The following TFAP2B variants were observed in gnomAD, a reference collection of about 807,000 sequenced individuals.
TFAP2B encodes transcription factor AP-2-beta.
TFAP2B carries 9 observed loss-of-function variants against 44.3 expected under a neutral mutation model. The ratio of observed to expected loss-of-function variants is 0.20; its 90% CI spans 0.12 to 0.35. The LOEUF is 0.35. TFAP2B is among the 10% of genes least tolerant of loss of function. The pLI is 1.00. For missense variants in TFAP2B, 509 were observed against 600.0 expected (o/e 0.85, Z 1.59); for synonymous variants, 270 against 263.8 (o/e 1.02, Z -0.23).
At chr6:50,818,798 C>G (rs555045308), upstream of TFAP2B, 7 of 1,104,170 alleles carry the variant, frequency 6.3e-6, no homozygotes, top group Admixed American at 1.8e-5. Flanking sequence ...GGGAGAGGAG[C>G]GTCGGATTTG....
Position 50,843,257 on chromosome 6 carries a change from C to G in TFAP2B, c.1248C>G (p.Ala416=). Residue 416 remains alanine (A), a synonymous_variant, in exon 7 of 7, where the codon GCC becomes GCG. Transcript: ENST00000393655. ...CGGCCATTTGCGCCGCGCTCACGGCCCTGCAGAACTATCTCACCGAGGCGC... is the reference window on the plus strand; with the variant it reads ...CGGCCATTTGCGCCGCGCTCACGGCGCTGCAGAACTATCTCACCGAGGCGC... ...GAPAICAALT[A]LQNYLTEALK... 1.9e-6 allele frequency: 3 copies of G among 1,614,168 alleles called. No individual in the cohort carries two copies. The African/African-American group carries it at 4.0e-5, about 22-fold the overall frequency.
intron 6 of TFAP2B, among the ~76,000 whole-genome samples, chr6:50,840,824 G>C (rs987553163): frequency 6.6e-6 from 1 of 152,208 alleles, no homozygotes; most frequent in Admixed American, 6.5e-5. Context: ...TTTAGGTCTA[G>C]AGCTCATTTG....
intron 4 of TFAP2B, among the ~76,000 whole-genome samples, chr6:50,837,739 T>C (rs1435005455): frequency 6.6e-6 from 1 of 152,000 alleles, no homozygotes; most frequent in Non-Finnish European, 1.5e-5. Context: ...GGTATCCTTT[T>C]TTTTTCTTTT....
In TFAP2B at chr6:50,843,160, G is replaced by A. The variant is rs1762767081; in HGVS notation, c.1151G>A (p.Ser384Asn). 6.2e-7 allele frequency: 1 copy of A among 1,614,122 alleles called. No individual in the cohort carries two copies. The highest frequency in any genetic ancestry group is 1.3e-5 in the African/African-American group (1 of 74,940). Residue 384 changes from serine to asparagine, a missense_variant, in exon 7 of 7, where the codon AGC (serine) becomes AAC (asparagine). By Grantham distance (46) the Ser-to-Asn change is conservative. Transcript: ENST00000393655. ...DRTPIGNSRP[S>N]PILEPGIQSC... Reference sequence around the variant, plus strand: ...ACACCGATAGGGAACAGCCGACCCAGCCCCATCCTGGAGCCGGGGATCCAG... The same window carrying A: ...ACACCGATAGGGAACAGCCGACCCAACCCCATCCTGGAGCCGGGGATCCAG...
At position 50,845,355 on chromosome 6, in the gene TFAP2B, G is replaced by A. The variant is rs1561969085; in HGVS notation, c.*1963G>A. The A allele has an allele frequency of 6.6e-6, 1 of 152,136 alleles. No homozygotes were observed. The highest frequency in any genetic ancestry group is 1.5e-5 in the Non-Finnish European group (1 of 68,022). The allele number at this position is 152,136 out of a possible 1,614,324, so 9.4% of individuals were successfully genotyped here. Reference sequence around the variant, plus strand: ...GAGTGGGGATTGCGTTGGGGTTTTAGGAATCTGCTGAGAGCTTTGCCCATT... The same window carrying A: ...GAGTGGGGATTGCGTTGGGGTTTTAAGAATCTGCTGAGAGCTTTGCCCATT... On this transcript the variant is annotated 3_prime_UTR_variant, in exon 7 of 7. Coordinates refer to ENST00000393655, the MANE Select transcript of TFAP2B (RefSeq NM_003221.4).
intron 6 of TFAP2B, among the ~76,000 whole-genome samples, chr6:50,840,616 G>A (rs1375630167): frequency 1.3e-5 from 2 of 152,128 alleles, no homozygotes; most frequent in Admixed American, 1.3e-4. Flanking sequence ...GCATATTTCT[G>A]CTTGGGTTTC....
chr6:50,843,355 G>A lies in TFAP2B; in HGVS notation c.1346G>A (p.Ser449Asn). The stretch of plus-strand genomic sequence containing the variant: ...CACACGTCTGGGGAAGGCCCAGGTA[G>A]TAAAACTGGCGACAAGGAGGAGAAA... ...NRHTSGEGPGSKTGDKEEKHR... is the reference protein window; with the variant it reads ...NRHTSGEGPGNKTGDKEEKHR... The change falls in exon 7 of 7, where the codon AGT (serine) becomes AAT (asparagine). Residue 449 changes from serine to asparagine, a missense_variant. Physicochemically the swap from Ser to Asn is conservative, Grantham distance 46. Around this residue, in one of 3 missense-constraint regions of TFAP2B, gnomAD observed 168 missense variants for 183.2 expected, o/e 0.92. Transcript: ENST00000393655. The A allele has an allele frequency of 6.2e-7, 1 of 1,614,054 alleles. No individual in the cohort carries two copies. Among genetic ancestry groups the A allele is most frequent in the Non-Finnish European group, 8.5e-7 (1 of 1,180,018 alleles).
rs527688979 is a variant in TFAP2B at position 50,841,068 on chromosome 6, A to G, written c.1082+771A>G. Among the ~76,000 whole-genome samples, 142 of 152,322 alleles carry G rather than the reference A, an allele frequency of 9.3e-4. 2 individuals carry two copies. The highest frequency in any genetic ancestry group is 4.4e-5 in the Non-Finnish European group (3 of 68,032). ...GAAATATATGGAAGGCTGAAAAATC[A>G]TTTGCTCAAATTTGTCCAGATGTTT... is the stretch of plus-strand genomic sequence containing the variant. On this transcript the variant is annotated intron_variant, in intron 6 of 6. Coordinates refer to ENST00000393655, the MANE Select transcript of TFAP2B (RefSeq NM_003221.4).
chr6:50,823,779 C>T lies in TFAP2B; in HGVS notation c.454C>T (p.His152Tyr), dbSNP rs1339353116. Residue 152 changes from histidine (H) to tyrosine (Y), a missense_variant, in exon 2 of 7, where the codon CAT becomes TAT. His to Tyr is a moderately conservative substitution (Grantham distance 83). Around this residue, in one of 3 missense-constraint regions of TFAP2B, gnomAD observed 296 missense variants for 308.2 expected, o/e 0.96. Transcript: ENST00000393655. ...HSVRRPDVLL[H>Y]SAHHGLDAGM... ...GGTCCGCCGGCCGGACGTGCTGCTG[C>T]ATTCGGCGCACCACGGCCTGGACGC... 1 of 1,591,920 alleles carries T rather than the reference C, an allele frequency of 6.3e-7. No homozygotes were observed. The highest frequency in any genetic ancestry group is 8.6e-7 in the Non-Finnish European group (1 of 1,168,990).
At chr6:50,829,887 A>T (rs564511292) in intron 3 of TFAP2B, among the ~76,000 whole-genome samples, 1 of 152,200 alleles carries the variant, frequency 6.6e-6, no homozygotes, top group Non-Finnish European at 1.5e-5. Context: ...CCTTGGAATG[A>T]ATATCCTAAA....
chr6:50,827,303 A>C (rs1770555936), intron 2 of TFAP2B, among the ~76,000 whole-genome samples: 4 of 152,234 alleles, frequency 2.6e-5, no homozygotes, highest in Admixed American at 2.6e-4. Flanking sequence ...TACATGAAAT[A>C]TTTTTAAAAC....
At position 50,823,754 on chromosome 6, in the gene TFAP2B, G is replaced by T. The variant is rs377640032; in HGVS notation, c.429G>T (p.Ser143=). ...TTGACCCCCGGAGGGACTACCACTC[G>T]GTCCGCCGGCCGGACGTGCTGCTGC... is the stretch of plus-strand genomic sequence containing the variant. ...SGLDPRRDYH[S]VRRPDVLLHS... Residue 143 remains serine (S), a synonymous_variant, in exon 2 of 7, where the codon TCG becomes TCT. Transcript: ENST00000393655. The T allele has an allele frequency of 1.4e-5, 22 of 1,605,952 alleles. No individual in the cohort carries two copies. Among genetic ancestry groups the T allele is most frequent in the Non-Finnish European group, 1.5e-5 (18 of 1,176,274 alleles).
chr6:50,821,149 T>C (rs959028874), intron 1 of TFAP2B, among the ~76,000 whole-genome samples: 2 of 152,294 alleles, frequency 1.3e-5, no homozygotes, highest in East Asian at 1.9e-4. Context: ...TGCCCCTGGC[T>C]TTGCCTGGAA....
rs1762837637 is a variant in TFAP2B at position 50,845,901 on chromosome 6, C to T, written c.*2509C>T. On this transcript the variant is annotated 3_prime_UTR_variant, in exon 7 of 7. Coordinates refer to ENST00000393655, the MANE Select transcript of TFAP2B (RefSeq NM_003221.4). ...AGGGCTAAGGCGACCGAGAAAGCCC[C>T]ATTCTCCAGTAGGTAATGGGGCGGC... The T allele has an allele frequency of 6.6e-6, 1 of 152,652 alleles. No individual in the cohort carries two copies. Among genetic ancestry groups the T allele is most frequent in the Admixed American group, 6.5e-5 (1 of 15,294 alleles). The allele number at this position is 152,652 out of a possible 1,614,324, so 9.5% of individuals were successfully genotyped here.
intron 4 of TFAP2B, 149 bp downstream of exon 4, chr6:50,836,429 G>A: frequency 2.6e-6 from 2 of 770,768 alleles, no homozygotes; most frequent in South Asian, 1.6e-5. Flanking sequence ...CCGGAGCATT[G>A]CTTTCGCGCA....
In TFAP2B at chr6:50,823,507, C is replaced by G. The variant is rs753571145; in HGVS notation, c.182C>G (p.Pro61Arg). ...AGCGCCCCGCCGCTGTCCCACACCC[C>G]GTCGTCGGACTTCCAGCCGCCCTAC... is the stretch of plus-strand genomic sequence containing the variant. ...YSSAPPLSHTPSSDFQPPYFP... is the reference protein window; with the variant it reads ...YSSAPPLSHTRSSDFQPPYFP... Residue 61 changes from proline (P) to arginine (R), a missense_variant, in exon 2 of 7, where the codon CCG becomes CGG. This residue lies in a region of TFAP2B where 296 missense variants were observed against 308.2 expected (regional missense o/e 0.96). Coordinates refer to ENST00000393655, the MANE Select transcript of TFAP2B (RefSeq NM_003221.4). The G allele has an allele frequency of 1.9e-6, 3 of 1,613,726 alleles. No homozygotes were observed. Among genetic ancestry groups the G allele is most frequent in the Admixed American group, 3.3e-5 (2 of 59,964 alleles).
At chr6:50,836,321 A>T (rs1762622840) in intron 4 of TFAP2B, 41 bp downstream of exon 4, 1 of 1,549,494 alleles carries the variant, frequency 6.5e-7, no homozygotes, top group Non-Finnish European at 8.9e-7. Flanking sequence ...ACAAAAAAAC[A>T]AACAAAAACC....
chr6:50,827,471 C>T (rs1770560296), intron 2 of TFAP2B, among the ~76,000 whole-genome samples: 2 of 152,032 alleles, frequency 1.3e-5, no homozygotes, highest in Admixed American at 1.3e-4. Flanking sequence ...ATTAGATCAT[C>T]TCATTTCTAA....
intron 3 of TFAP2B, chr6:50,830,262 C>T (rs1404303697): frequency 1.6e-5 from 16 of 981,380 alleles, no homozygotes; most frequent in Non-Finnish European, 1.9e-5. Flanking sequence ...GGGGAACATG[C>T]CCAACAGATG....
Sources: allele counts gnomAD v4.1 joint callset (sites outside exome capture counted in the v4.1 genomes callset), GRCh38; gene constraint gnomAD v4.1.1; regional missense constraint gnomAD v4.1.1; transcripts MANE v1.5; gene names NCBI Gene and HGNC (gene_info 2026-07-23, HGNC 2026-07-21).